LUZP2: variants seen among roughly 807,000 people sequenced by gnomAD.
The protein encoded by LUZP2 is leucine zipper protein 2.
In LUZP2, 52 loss-of-function variants were observed where a neutral mutation model predicts 51.6. That is an observed-to-expected ratio of 1.01 (90% CI 0.81 to 1.27). LUZP2 has a LOEUF of 1.27. Among genes scored for constraint, LUZP2 ranks in the 50% most tolerant of loss-of-function variants. LUZP2 has a pLI of 0.00. For missense variants in LUZP2, 436 were observed against 395.4 expected, an observed-to-expected ratio of 1.10 and a Z score of -0.87; for synonymous variants, 154 against 137.3, an observed-to-expected ratio of 1.12 and a Z score of -0.85.
At position 24,625,893 on chromosome 11, in the gene LUZP2, A is replaced by C. The variant is rs557237174; in HGVS notation, c.63-103276A>C. Among the ~76,000 whole-genome samples, 12 of 149,212 alleles carry C rather than the reference A, an allele frequency of 8.0e-5. No homozygotes were observed. In the East Asian group the frequency reaches 1.4e-3, roughly 18 times the overall value. ...ATGTGGTGACCAACAGGAGTACAGCATGTTTCCAGAAAACATCTTGGAAAA... is the reference window on the plus strand; with the variant it reads ...ATGTGGTGACCAACAGGAGTACAGCCTGTTTCCAGAAAACATCTTGGAAAA... On this transcript the variant is annotated intron_variant, in intron 1 of 11. Transcript: ENST00000336930.
At chr11:24,740,604 C>A (rs902688545) in intron 4 of LUZP2, among the ~76,000 whole-genome samples, 76 of 152,148 alleles carry the variant, frequency 5.0e-4, no homozygotes, top group African/African-American at 1.7e-3. Context: ...CAGACTTGAT[C>A]AAGCTTTTTA....
intron 9 of LUZP2, among the ~76,000 whole-genome samples, chr11:24,990,997 G>T (rs1158362125): frequency 1.3e-5 from 2 of 151,302 alleles, no homozygotes; most frequent in African/African-American, 2.4e-5. Flanking sequence ...TAGGTTATTG[G>T]AGAACAGGTG....
chr11:24,950,291 C>A (rs758418742), intron 7 of LUZP2, among the ~76,000 whole-genome samples: 2 of 151,526 alleles, frequency 1.3e-5, no homozygotes, highest in African/African-American at 4.8e-5. Context: ...TTAACACCTT[C>A]TTGCAATGTT....
intron 10 of LUZP2, among the ~76,000 whole-genome samples, chr11:25,065,426 G>A (rs748303407): frequency 1.3e-4 from 20 of 151,966 alleles, no homozygotes; most frequent in Non-Finnish European, 2.8e-4. Flanking sequence ...TTAAATATAT[G>A]TCCTTATTTA....
chr11:24,999,941 G>A (rs1856630213), intron 9 of LUZP2, among the ~76,000 whole-genome samples: 1 of 152,054 alleles, frequency 6.6e-6, no homozygotes, highest in Admixed American at 6.6e-5. Flanking sequence ...CAGTGTGGAA[G>A]GGGACCAGAG....
chr11:24,763,121 ATTCT>A, intron 4 of LUZP2, 121 bp from the exon 5 acceptor site: 1 of 552,602 alleles, frequency 1.8e-6, no homozygotes, highest in East Asian at 3.8e-5. Context: ...GAACAGTGTA[ATTCT>A]TTGTTCTTTT....
At chr11:25,073,222 G>T (rs1411729470) in intron 10 of LUZP2, among the ~76,000 whole-genome samples, 1 of 152,162 alleles carries the variant, frequency 6.6e-6, no homozygotes, top group Admixed American at 6.6e-5. Flanking sequence ...GCCTTGCACT[G>T]GTTTATCTTC....
intron 7 of LUZP2, among the ~76,000 whole-genome samples, chr11:24,930,222 T>C (rs1397297993): frequency 6.6e-6 from 1 of 152,180 alleles, no homozygotes; most frequent in South Asian, 2.1e-4. Context: ...TTTAGGCCAT[T>C]CACATTCAAT....
chr11:24,858,713 G>A (rs1851642614), intron 5 of LUZP2, among the ~76,000 whole-genome samples: 2 of 152,198 alleles, frequency 1.3e-5, no homozygotes, highest in African/African-American at 4.8e-5. Flanking sequence ...ACGTTTATAT[G>A]CAAAGCAGGA....
chr11:24,773,904 C>T (rs929029600), intron 5 of LUZP2, among the ~76,000 whole-genome samples: 30 of 152,044 alleles, frequency 2.0e-4, no homozygotes, highest in African/African-American at 4.8e-4. Context: ...CCACATGTAG[C>T]CAATGTAGCC....
intron 10 of LUZP2, among the ~76,000 whole-genome samples, chr11:25,075,347 A>G (rs1859269426): frequency 6.6e-6 from 1 of 152,210 alleles, no homozygotes. Context: ...AGAAGAACCA[A>G]TTGTGTATAA....
intron 10 of LUZP2, among the ~76,000 whole-genome samples, chr11:25,062,581 C>A (rs1858872833): frequency 9.3e-6 from 1 of 107,634 alleles, no homozygotes; most frequent in Admixed American, 1.1e-4. Flanking sequence ...CAGAGCAAGA[C>A]CCTGTCAAAA....
intron 5 of LUZP2, among the ~76,000 whole-genome samples, chr11:24,858,076 G>C (rs2403985): frequency 0.97 from 148,270 of 152,162 alleles, 72,274 homozygotes; most frequent in Middle Eastern, 1. Flanking sequence ...CTTTGGCATC[G>C]AATGACTAGA....
At chr11:24,641,004 G>T (rs1590281811) in intron 1 of LUZP2, among the ~76,000 whole-genome samples, 1 of 100,196 alleles carries the variant, frequency 1.0e-5, no homozygotes, top group Non-Finnish European at 2.0e-5. Flanking sequence ...TATAGATATA[G>T]ATATAGATAT....
chr11:24,714,273 A>G (rs1364605184), intron 1 of LUZP2, among the ~76,000 whole-genome samples: 3 of 152,052 alleles, frequency 2.0e-5, no homozygotes, highest in Non-Finnish European at 1.5e-5. Flanking sequence ...ACAAACCTGC[A>G]TGTTCTCTAT....
chr11:24,834,231 G>A (rs1850790479), intron 5 of LUZP2, among the ~76,000 whole-genome samples: 1 of 152,076 alleles, frequency 6.6e-6, no homozygotes, highest in Admixed American at 6.5e-5. Context: ...TTGTCCTAAT[G>A]TTCTCCCTCC....
chr11:25,026,631 G>A (rs1350468522), intron 9 of LUZP2, among the ~76,000 whole-genome samples: 1 of 151,786 alleles, frequency 6.6e-6, no homozygotes, highest in Non-Finnish European at 1.5e-5. Flanking sequence ...TACTTGCTTT[G>A]TTAAATTTGG....
chr11:24,809,673 AT>A lies in LUZP2; in HGVS notation c.396+46366del, dbSNP rs555513540. On this transcript the variant is annotated intron_variant, in intron 5 of 11. Coordinates refer to ENST00000336930, the MANE Select transcript of LUZP2 (RefSeq NM_001009909.4). ...AGTTTTTAAACCCTAATTTAAAAAA[AT>A]GTTTTTAAATAACATTTCTTTCTCT... is the stretch of plus-strand genomic sequence containing the variant. Among the ~76,000 whole-genome samples the A allele has an allele frequency of 1.6e-3, 249 of 152,312 alleles. 1 individual carries two copies. Among genetic ancestry groups the A allele is most frequent in the African/African-American group, 5.7e-3 (235 of 41,578 alleles).
At chr11:24,712,723 G>A (rs1590384747) in intron 1 of LUZP2, among the ~76,000 whole-genome samples, 1 of 152,128 alleles carries the variant, frequency 6.6e-6, no homozygotes, top group Admixed American at 6.6e-5. Context: ...ATTGAGAAAG[G>A]GGCTTAGAAG....
Sources: allele counts gnomAD v4.1 joint callset (sites outside exome capture counted in the v4.1 genomes callset), GRCh38; gene constraint gnomAD v4.1.1; transcripts MANE v1.5; gene names NCBI Gene and HGNC (gene_info 2026-07-23, HGNC 2026-07-21).